CACUL1: variants seen among roughly 807,000 people sequenced by gnomAD.
CACUL1 encodes the protein CDK2-associated and cullin domain-containing protein 1.
In CACUL1, 13 loss-of-function variants were observed where a neutral mutation model predicts 45.2. That is an observed-to-expected ratio of 0.29 (90% confidence interval 0.19 to 0.46). The LOEUF is 0.46. Ranked by LOEUF, CACUL1 falls within the 20% of genes least tolerant of loss-of-function variation. The pLI is 1.00. For missense variants in CACUL1, 421 were observed against 471.4 expected, an observed-to-expected ratio of 0.89 and a Z score of 0.99; for synonymous variants, 197 against 174.2, an observed-to-expected ratio of 1.13 and a Z score of -1.03.
intron 1 of CACUL1, among the ~76,000 whole-genome samples, chr10:118,746,300 C>T (rs139635747): frequency 1.4e-4 from 21 of 152,150 alleles, no homozygotes; most frequent in Non-Finnish European, 2.5e-4. Flanking sequence ...ATAGAACTGA[C>T]GCCCACACAT....
intron 1 of CACUL1, 93 bp from the exon 2 acceptor site, chr10:118,730,503 T>C (rs1845687583): frequency 2.4e-6 from 3 of 1,229,288 alleles, no homozygotes; most frequent in African/African-American, 1.5e-5. Flanking sequence ...TCCTCTCACT[T>C]ACTCTTCTGA....
intron 1 of CACUL1, among the ~76,000 whole-genome samples, chr10:118,742,135 A>C (rs1003155924): frequency 4.6e-5 from 7 of 152,240 alleles, no homozygotes; most frequent in African/African-American, 1.7e-4. Flanking sequence ...AGGCTAAAAT[A>C]TTACTTTGGC....
chr10:118,744,989 T>G lies in CACUL1; in HGVS notation c.367+9407A>C, dbSNP rs189623728. On this transcript the variant is annotated intron_variant, in intron 1 of 8. Coordinates refer to ENST00000369151, the MANE Select transcript of CACUL1 (RefSeq NM_153810.5). ...TTTAAAAAAAGATACGTGACAGTTT[T>G]GAGCAAAATTAATGACAGTGTATTT... Among the ~76,000 whole-genome samples, 596 of 152,254 alleles carry G rather than the reference T, an allele frequency of 3.9e-3. 5 individuals are homozygous for G. The highest frequency in any genetic ancestry group is 0.012 in the African/African-American group (494 of 41,530).
chr10:118,707,275 T>C (rs1322633182), intron 4 of CACUL1, among the ~76,000 whole-genome samples: 1 of 152,220 alleles, frequency 6.6e-6, no homozygotes, highest in South Asian at 2.1e-4. Context: ...CCTACTTGTC[T>C]ATTCAGCAAT....
chr10:118,690,557 A>T (rs899989977), intron 7 of CACUL1, among the ~76,000 whole-genome samples: 4 of 152,242 alleles, frequency 2.6e-5, no homozygotes, highest in Non-Finnish European at 5.9e-5. Context: ...ACTTAAGAAG[A>T]AACCACTAGA....
intron 1 of CACUL1, among the ~76,000 whole-genome samples, chr10:118,733,302 A>G (rs1204464633): frequency 6.6e-6 from 1 of 152,224 alleles, no homozygotes. Context: ...GTGTCACAGT[A>G]GAGAATCTTA....
At chr10:118,708,434 T>C (rs1296240080) in intron 3 of CACUL1, among the ~76,000 whole-genome samples, 2 of 152,188 alleles carry the variant, frequency 1.3e-5, no homozygotes, top group African/African-American at 4.8e-5. Flanking sequence ...ATGACCCATA[T>C]ACACCTTCAG....
intron 1 of CACUL1, among the ~76,000 whole-genome samples, chr10:118,745,113 T>A (rs1052251015): frequency 1.3e-5 from 2 of 152,204 alleles, no homozygotes; most frequent in African/African-American, 2.4e-5. Context: ...TTTTACATTA[T>A]AAGTAAAGTA....
In CACUL1 at chr10:118,707,517, C is replaced by G; in HGVS notation, c.668G>C (p.Ser223Thr). ...CATATATATGAAAAGAGGCACAATG[C>G]TCTGCAATGCTCCCATATATTGTCC... ...ALGQYMGALQ[S>T]IVPLFIYMNK... Residue 223 changes from serine to threonine, a missense_variant, in exon 4 of 9, where the codon AGC becomes ACC. By Grantham distance (58) the Ser-to-Thr change is moderately conservative (BLOSUM62 1). This residue lies in a region of CACUL1 where 208 missense variants were observed against 298.4 expected (regional missense o/e 0.70). Coordinates refer to ENST00000369151, the MANE Select transcript of CACUL1 (RefSeq NM_153810.5). 6.4e-7 allele frequency: 1 copy of G among 1,558,160 alleles called. No individual in the cohort carries two copies. Among genetic ancestry groups the G allele is most frequent in the Non-Finnish European group, 8.9e-7 (1 of 1,129,828 alleles).
At chr10:118,689,217 T>C (rs1845237298) in intron 7 of CACUL1, among the ~76,000 whole-genome samples, 1 of 152,208 alleles carries the variant, frequency 6.6e-6, no homozygotes, top group African/African-American at 2.4e-5. Context: ...GGAAGGTCCA[T>C]GCACAAGAGC....
At chr10:118,749,664 T>C (rs1329476243) in intron 1 of CACUL1, among the ~76,000 whole-genome samples, 2 of 152,210 alleles carry the variant, frequency 1.3e-5, no homozygotes, top group Non-Finnish European at 2.9e-5. Context: ...ATTAGGGAGA[T>C]AGTACATTTG....
At chr10:118,691,167 C>T in intron 7 of CACUL1, 98 bp downstream of exon 7, 1 of 1,014,730 alleles carries the variant, frequency 9.9e-7, no homozygotes, top group Non-Finnish European at 1.5e-6. Context: ...GGCCAGTTAC[C>T]TCCCATTCTC....
Position 118,682,392 on chromosome 10 carries a change from A to T in CACUL1, c.*3736T>A, listed in dbSNP as rs186455383. 3.1e-3 allele frequency: 468 copies of T among 152,432 alleles called. 2 individuals are homozygous for T. Among genetic ancestry groups the T allele is most frequent in the African/African-American group, 0.011 (447 of 41,578 alleles). The allele number at this position is 152,432 out of a possible 1,614,324, so 9.4% of individuals were successfully genotyped here. ...ATCACAAAAATAATTAACTGCTATA[A>T]AACGGGAAAAAAAGTAGAAGAAAAT... On this transcript the variant is annotated 3_prime_UTR_variant, in exon 9 of 9. Coordinates refer to ENST00000369151, the MANE Select transcript of CACUL1 (RefSeq NM_153810.5).
rs1027342237 is a variant in CACUL1 at position 118,681,481 on chromosome 10, T to C, written c.*4647A>G. The C allele has an allele frequency of 2.6e-5, 4 of 152,188 alleles. No homozygotes were observed. The highest frequency in any genetic ancestry group is 1.5e-5 in the Non-Finnish European group (1 of 68,036). 9.4% of individuals were successfully genotyped at this position (152,188 alleles called of 1,614,324 possible). A position where few individuals can be genotyped will look rare whatever the true frequency, so the allele number is the denominator to read the frequency against. On this transcript the variant is annotated 3_prime_UTR_variant, in exon 9 of 9. Coordinates refer to ENST00000369151, the MANE Select transcript of CACUL1 (RefSeq NM_153810.5). ...ACCCAGTCTTAGTGCATTTAGTACA[T>C]AGTCACAACATTGAAATGACGTGAG...
chr10:118,722,325 TG>T (rs1213285390), intron 3 of CACUL1, among the ~76,000 whole-genome samples: 1 of 152,010 alleles, frequency 6.6e-6, no homozygotes, highest in Non-Finnish European at 1.5e-5. Flanking sequence ...CGACCTCAGG[TG>T]ATCTTGCCCG....
In CACUL1 at chr10:118,684,983, C is replaced by T. The variant is rs1182275012; in HGVS notation, c.*1145G>A. The T allele has an allele frequency of 6.6e-6, 1 of 152,198 alleles. No homozygotes were observed. Among genetic ancestry groups the T allele is most frequent in the Non-Finnish European group, 1.5e-5 (1 of 68,020 alleles). The allele number at this position is 152,198 out of a possible 1,614,324, so 9.4% of individuals were successfully genotyped here. A position where few individuals can be genotyped will look rare whatever the true frequency, so the allele number is the denominator to read the frequency against. On this transcript the variant is annotated 3_prime_UTR_variant, in exon 9 of 9. Coordinates refer to ENST00000369151, the MANE Select transcript of CACUL1 (RefSeq NM_153810.5). The stretch of plus-strand genomic sequence containing the variant: ...AAAAAGCACTGTGGATGTGGAGAAA[C>T]AGAAATATAGCTTTGCCACAGCTGG...
intron 3 of CACUL1, among the ~76,000 whole-genome samples, chr10:118,718,494 CTTTCACCTGCACCAGCAGAG>C (rs1466594598): frequency 6.6e-6 from 1 of 152,214 alleles, no homozygotes; most frequent in African/African-American, 2.4e-5. Flanking sequence ...TGTGTGGCTG[CTTTCACCTGCACCAGCAGAG>C]TTAAGCACAG....
chr10:118,701,650 T>A (rs1845381134), intron 4 of CACUL1, among the ~76,000 whole-genome samples: 2 of 152,134 alleles, frequency 1.3e-5, no homozygotes, highest in Non-Finnish European at 2.9e-5. Flanking sequence ...GATACCAACA[T>A]TAACTAGACA....
At chr10:118,717,834 G>A (rs1041860596) in intron 3 of CACUL1, among the ~76,000 whole-genome samples, 2 of 152,164 alleles carry the variant, frequency 1.3e-5, no homozygotes, top group Non-Finnish European at 2.9e-5. Flanking sequence ...AGGACTGGGG[G>A]CAGTGAAAGA....
Sources: gnomAD v4.1 joint callset for allele counts (sites outside exome capture counted in the v4.1 genomes callset) on GRCh38, gnomAD v4.1.1 for gene constraint, gnomAD v4.1.1 regional missense constraint, MANE v1.5 for transcripts, NCBI Gene and HGNC (gene_info 2026-07-23, HGNC 2026-07-21) for gene names.